The following PTPRD variants were observed in gnomAD, a reference collection of about 807,000 sequenced individuals.
The protein encoded by PTPRD is receptor-type tyrosine-protein phosphatase delta.
Under a neutral mutation model 214.5 loss-of-function variants are expected in PTPRD, and 34 were observed. The ratio of observed to expected loss-of-function variants is 0.16; its 90% CI spans 0.12 to 0.21. PTPRD has a LOEUF of 0.21. Ranked by LOEUF, PTPRD falls within the 10% of genes least tolerant of loss-of-function variation. The pLI is 1.00. For synonymous variants in PTPRD, 1,128 were observed against 845.7 expected, an observed-to-expected ratio of 1.33 and a Z score of -5.79; for missense variants, 2,545 against 2,398.7, an observed-to-expected ratio of 1.06 and a Z score of -1.27.
intron 10 of PTPRD, among the ~76,000 whole-genome samples, chr9:9,077,345 T>C (rs577146817): frequency 6.6e-6 from 1 of 151,690 alleles, no homozygotes; most frequent in East Asian, 1.9e-4. Flanking sequence ...CCATAGTTCA[T>C]AGAAGCAGAA....
intron 10 of PTPRD, among the ~76,000 whole-genome samples, chr9:9,063,925 A>C (rs1455201807): frequency 6.6e-6 from 1 of 152,192 alleles, no homozygotes; most frequent in Non-Finnish European, 1.5e-5. Flanking sequence ...CTTCTATTTT[A>C]TATGACATGG....
intron 7 of PTPRD, among the ~76,000 whole-genome samples, chr9:9,596,549 G>A (rs547991866): frequency 1.3e-5 from 2 of 151,912 alleles, no homozygotes; most frequent in South Asian, 4.1e-4. Context: ...TGTGATTTTA[G>A]CAATGTTTTT....
intron 3 of PTPRD, among the ~76,000 whole-genome samples, chr9:10,267,569 ATTACC>A (rs1445171613): frequency 1.3e-5 from 2 of 152,216 alleles, no homozygotes; most frequent in African/African-American, 2.4e-5. Flanking sequence ...TTGGTTAAGA[ATTACC>A]TTACATTTTA....
Position 8,557,140 on chromosome 9 carries a change from C to T in PTPRD, c.353-28361G>A, listed in dbSNP as rs79657058. ...TGGAAGGGAGGCAGACAGAGTGATG[C>T]AGTTTGCTTCTGTTAGCCGAGGTAC... On this transcript the variant is annotated intron_variant, in intron 14 of 45. Coordinates refer to ENST00000381196, the MANE Select transcript of PTPRD (RefSeq NM_002839.4). 3.2e-3 allele frequency among the ~76,000 whole-genome samples: 490 copies of T among 152,134 alleles called. 4 individuals carry two copies. The highest frequency in any genetic ancestry group is 0.011 in the African/African-American group (469 of 41,496).
chr9:10,599,223 G>GA (rs2077383836), intron 2 of PTPRD, among the ~76,000 whole-genome samples: 2 of 151,576 alleles, frequency 1.3e-5, no homozygotes, highest in Non-Finnish European at 3.0e-5. Flanking sequence ...GAATGACCAT[G>GA]AAAAAAACCA....
At chr9:8,782,930 C>T (rs541979566) in intron 11 of PTPRD, among the ~76,000 whole-genome samples, 1 of 152,034 alleles carries the variant, frequency 6.6e-6, no homozygotes, top group African/African-American at 2.4e-5. Context: ...CAATAGTCTA[C>T]GTAGCCAGAA....
intron 37 of PTPRD, among the ~76,000 whole-genome samples, chr9:8,384,233 CCAAA>C (rs1375999445): frequency 1.2e-4 from 18 of 152,102 alleles, no homozygotes; most frequent in Admixed American, 1.2e-3. Flanking sequence ...TTCATTTTTT[CCAAA>C]CAGTTTCCTC....
chr9:9,946,977 G>T (rs1448745275), intron 4 of PTPRD, among the ~76,000 whole-genome samples: 2 of 151,604 alleles, frequency 1.3e-5, no homozygotes, highest in African/African-American at 4.8e-5. Flanking sequence ...TCCTGATTTT[G>T]GAAGCCATGC....
intron 14 of PTPRD, 146 bp downstream of exon 14, chr9:8,633,171 T>G (rs2096307352): frequency 1.0e-6 from 1 of 982,536 alleles, no homozygotes; most frequent in Non-Finnish European, 1.5e-6. Context: ...AGGTATCCAC[T>G]GTCTAATTAA....
At chr9:8,481,558 T>A (rs1442445564) in intron 30 of PTPRD, among the ~76,000 whole-genome samples, 1 of 152,200 alleles carries the variant, frequency 6.6e-6, no homozygotes, top group Non-Finnish European at 1.5e-5. Flanking sequence ...ATTTTTCTCC[T>A]TCTAGAAAAT....
chr9:9,573,443 G>A (rs1173217373), intron 8 of PTPRD, among the ~76,000 whole-genome samples: 1 of 150,474 alleles, frequency 6.6e-6, no homozygotes, highest in Non-Finnish European at 1.5e-5. Flanking sequence ...TGTCAGTATT[G>A]GTTATATGGG....
chr9:8,550,453 ATTAT>A (rs1451365773), intron 14 of PTPRD, among the ~76,000 whole-genome samples: 1 of 152,220 alleles, frequency 6.6e-6, no homozygotes, highest in African/African-American at 2.4e-5. Context: ...TATATTCTGC[ATTAT>A]TTATTATAAT....
At chr9:9,005,357 A>G (rs1375783261) in intron 11 of PTPRD, among the ~76,000 whole-genome samples, 22 of 152,104 alleles carry the variant, frequency 1.4e-4, no homozygotes, top group Non-Finnish European at 1.5e-5. Context: ...AGCATGTGTA[A>G]GTGGAAGTAG....
chr9:9,613,131 C>CATATATATAT (rs1383091159), intron 7 of PTPRD, among the ~76,000 whole-genome samples: 1,035 of 40,112 alleles, frequency 0.026, 87 homozygotes, highest in South Asian at 0.033. Flanking sequence ...AGTATACATA[C>CATATATATAT]ATACATATAT....
chr9:9,324,785 G>T (rs1033690706), intron 9 of PTPRD, among the ~76,000 whole-genome samples: 1 of 152,134 alleles, frequency 6.6e-6, no homozygotes. Flanking sequence ...GTCCTGAATG[G>T]TATTGCCTAG....
chr9:10,245,267 T>C (rs1221246012), intron 3 of PTPRD, among the ~76,000 whole-genome samples: 4 of 152,172 alleles, frequency 2.6e-5, no homozygotes, highest in African/African-American at 9.6e-5. Flanking sequence ...GCATTAAATA[T>C]AATCAACATA....
At chr9:8,742,563 T>C (rs573175886) in intron 11 of PTPRD, among the ~76,000 whole-genome samples, 17 of 149,570 alleles carry the variant, frequency 1.1e-4, no homozygotes, top group South Asian at 2.1e-4. Context: ...GTATCTATTT[T>C]ATTTGTTTTA....
chr9:8,796,338 C>A (rs1329357194), intron 11 of PTPRD, among the ~76,000 whole-genome samples: 1 of 152,100 alleles, frequency 6.6e-6, no homozygotes, highest in African/African-American at 2.4e-5. Flanking sequence ...ATAATAGGGG[C>A]TAGTGGAAGC....
chr9:9,387,638 C>A (rs983447205), intron 9 of PTPRD, among the ~76,000 whole-genome samples: 2 of 152,070 alleles, frequency 1.3e-5, no homozygotes, highest in Non-Finnish European at 2.9e-5. Context: ...ATTATGGACA[C>A]TTCAGAGGCA....
Sources: allele counts gnomAD v4.1 joint callset (sites outside exome capture counted in the v4.1 genomes callset), GRCh38; gene constraint gnomAD v4.1.1; transcripts MANE v1.5; gene names NCBI Gene and HGNC (gene_info 2026-07-23, HGNC 2026-07-21).